Variants in ATP8A2 observed in about 807,000 individuals in gnomAD.
ATP8A2 encodes ATPase phospholipid transporting 8A2.
In ATP8A2, 100 loss-of-function variants were observed where a neutral mutation model predicts 165.6. The observed-to-expected ratio is 0.60, with a 90% CI of 0.51 to 0.71. The LOEUF (loss-of-function observed/expected upper bound fraction) is 0.71, where lower values mean the gene tolerates loss of function less well. ATP8A2 is among the 30% of genes least tolerant of loss of function. The probability of loss-of-function intolerance (pLI) is 0.00; values close to 1 mark genes in which losing one functional copy is unlikely to be tolerated. For synonymous variants in ATP8A2, 543 were observed against 548.8 expected (o/e 0.99, Z 0.15); for missense variants, 1,227 against 1,479.5 (o/e 0.83, Z 2.80).
chr13:25,531,421 A>ATTATATATATGT lies in ATP8A2; in HGVS notation c.420+762_420+763insTATATATATGTT, dbSNP rs373705666. ...GATTATATATATGATTATATATATG[A>ATTATATATATGT]TATATATATGATTATATATATGATT... On this transcript the variant is annotated intron_variant, in intron 4 of 36. Coordinates refer to ENST00000381655, the MANE Select transcript of ATP8A2 (RefSeq NM_016529.6). Among the ~76,000 whole-genome samples the ATTATATATATGT allele has an allele frequency of 9.3e-3, 277 of 29,936 alleles. 2 individuals carry two copies. The highest frequency in any genetic ancestry group is 0.016 in the Non-Finnish European group (197 of 12,600). The allele number at this position is 29,936 out of a possible 152,430, so 19.6% of individuals were successfully genotyped here.
chr13:25,558,877 A>C (rs2039059999), intron 13 of ATP8A2, 96 bp from the exon 14 acceptor site: 9 of 802,044 alleles, frequency 1.1e-5, no homozygotes, highest in Non-Finnish European at 1.6e-5. Context: ...TACCCGTTTC[A>C]TACAGGTTTT....
At chr13:25,724,358 A>C (rs2043448783) in intron 25 of ATP8A2, among the ~76,000 whole-genome samples, 1 of 152,164 alleles carries the variant, frequency 6.6e-6, no homozygotes, top group Admixed American at 6.5e-5. Flanking sequence ...TAGAAATGGG[A>C]TGTGTGGGTG....
intron 33 of ATP8A2, among the ~76,000 whole-genome samples, chr13:25,870,105 C>G (rs1952633428): frequency 6.6e-6 from 1 of 152,128 alleles, no homozygotes; most frequent in South Asian, 2.1e-4. Flanking sequence ...ACTTGACAGC[C>G]CGGCTGTCCT....
At chr13:25,977,403 G>A (rs1956076116) in intron 35 of ATP8A2, among the ~76,000 whole-genome samples, 1 of 152,126 alleles carries the variant, frequency 6.6e-6, no homozygotes, top group Admixed American at 6.6e-5. Flanking sequence ...ATGCATTAGT[G>A]GAACAAAGGG....
chr13:25,707,393 C>G (rs2043075008), intron 25 of ATP8A2, among the ~76,000 whole-genome samples: 1 of 152,130 alleles, frequency 6.6e-6, no homozygotes, highest in East Asian at 1.9e-4. Flanking sequence ...TCCCCTCTAA[C>G]TAAAAGTTAT....
At chr13:25,543,186 G>C in intron 9 of ATP8A2, 105 bp from the exon 10 acceptor site, 2 of 662,660 alleles carry the variant, frequency 3.0e-6, no homozygotes, top group Non-Finnish European at 2.6e-6. Flanking sequence ...AGTTCAAATT[G>C]GAGGAAAGGG....
intron 33 of ATP8A2, among the ~76,000 whole-genome samples, chr13:25,921,451 G>A (rs1593562723): frequency 6.8e-6 from 1 of 147,694 alleles, no homozygotes; most frequent in African/African-American, 2.5e-5. Flanking sequence ...CCCTGTCTCT[G>A]CTAAAAATAC....
At chr13:25,784,118 C>A (rs2044960197) in intron 27 of ATP8A2, among the ~76,000 whole-genome samples, 1 of 152,094 alleles carries the variant, frequency 6.6e-6, no homozygotes, top group African/African-American at 2.4e-5. Context: ...GTTTTTGCAG[C>A]TGCCCTACCT....
intron 35 of ATP8A2, among the ~76,000 whole-genome samples, chr13:26,003,219 A>G (rs7996362): frequency 1 from 151,105 of 151,540 alleles, 75,337 homozygotes; most frequent in Middle Eastern, 1. Context: ...TTTAATAATA[A>G]CCATTCTAAC....
intron 2 of ATP8A2, among the ~76,000 whole-genome samples, chr13:25,504,550 C>T (rs1192196675): frequency 6.8e-6 from 1 of 146,452 alleles, no homozygotes; most frequent in Non-Finnish European, 1.5e-5. Flanking sequence ...ACCATCCTGG[C>T]TAACAAGGTG....
chr13:25,720,505 A>G (rs543530986), intron 25 of ATP8A2, among the ~76,000 whole-genome samples: 57 of 152,290 alleles, frequency 3.7e-4, no homozygotes, highest in Middle Eastern at 3.4e-3. Flanking sequence ...ACAAATTTTC[A>G]GAGTTGGCAA....
At chr13:25,714,453 C>A (rs2137996725) in intron 25 of ATP8A2, among the ~76,000 whole-genome samples, 1 of 152,262 alleles carries the variant, frequency 6.6e-6, no homozygotes, top group East Asian at 1.9e-4. Flanking sequence ...TGCTTGATAG[C>A]ATTTACCACT....
chr13:25,878,342 G>A (rs1952875922), intron 33 of ATP8A2, among the ~76,000 whole-genome samples: 1 of 152,070 alleles, frequency 6.6e-6, no homozygotes, highest in South Asian at 2.1e-4. Context: ...AGTGTTACAG[G>A]AAAGAGGTCC....
At chr13:25,980,775 G>T (rs1274202470) in intron 35 of ATP8A2, among the ~76,000 whole-genome samples, 2 of 152,156 alleles carry the variant, frequency 1.3e-5, no homozygotes, top group Non-Finnish European at 2.9e-5. Context: ...AGAGGCTGAG[G>T]CAGGAGGATC....
intron 25 of ATP8A2, among the ~76,000 whole-genome samples, chr13:25,709,853 A>G (rs534748774): frequency 2.2e-4 from 33 of 152,364 alleles, no homozygotes; most frequent in African/African-American, 7.5e-4. Context: ...AATGAATGCA[A>G]TTAAGGGCTG....
chr13:25,737,931 C>G (rs889049717), intron 25 of ATP8A2, among the ~76,000 whole-genome samples: 10 of 152,112 alleles, frequency 6.6e-5, no homozygotes, highest in East Asian at 1.9e-4. Context: ...TGATCCGCCC[C>G]TCTCGGCCTC....
intron 35 of ATP8A2, among the ~76,000 whole-genome samples, chr13:25,999,154 C>T (rs1016992088): frequency 6.6e-6 from 1 of 152,160 alleles, no homozygotes; most frequent in African/African-American, 2.4e-5. Context: ...GAACCGTGTC[C>T]TCTGTTTTCA....
At position 25,641,584 on chromosome 13, in the gene ATP8A2, C is replaced by T. The variant is rs574699400; in HGVS notation, c.2211+51885C>T. ...CCTCTTCAAGGAGAACTACAAACCA[C>T]TGCTCAATGAAGTAAAAGAGGATAC... On this transcript the variant is annotated intron_variant, in intron 24 of 36. Coordinates refer to ENST00000381655, the MANE Select transcript of ATP8A2 (RefSeq NM_016529.6). Among the ~76,000 whole-genome samples the T allele has an allele frequency of 2.4e-3, 368 of 152,290 alleles. 2 individuals are homozygous for T. The highest frequency in any genetic ancestry group is 8.6e-3 in the African/African-American group (357 of 41,554).
intron 24 of ATP8A2, among the ~76,000 whole-genome samples, chr13:25,609,971 T>G (rs1400386461): frequency 1.3e-5 from 2 of 152,110 alleles, no homozygotes; most frequent in Non-Finnish European, 2.9e-5. Context: ...GATTGTTTTT[T>G]TATTGCTGAT....
Sources: allele counts gnomAD v4.1 joint callset (sites outside exome capture counted in the v4.1 genomes callset), GRCh38; gene constraint gnomAD v4.1.1; transcripts MANE v1.5; gene names NCBI Gene and HGNC (gene_info 2026-07-23, HGNC 2026-07-21).